FAXC: variants seen among roughly 807,000 people sequenced by gnomAD.
The protein encoded by FAXC is failed axon connections homolog, metaxin like GST domain containing.
A neutral mutation model predicts 41.9 loss-of-function variants in FAXC; 10 were observed. The observed-to-expected ratio is 0.24, with a 90% CI of 0.15 to 0.41. The LOEUF (loss-of-function observed/expected upper bound fraction) is 0.41, where lower values mean the gene tolerates loss of function less well. Ranked by LOEUF, FAXC falls within the 10% of genes least tolerant of loss-of-function variation. The pLI is 1.00. For missense variants in FAXC, 399 were observed against 510.9 expected, an observed-to-expected ratio of 0.78 and a Z score of 2.11; for synonymous variants, 183 against 183.8, an observed-to-expected ratio of 1.00 and a Z score of 0.03.
At chr6:99,311,096 A>G (rs1291117240) in intron 4 of FAXC, among the ~76,000 whole-genome samples, 2 of 152,254 alleles carry the variant, frequency 1.3e-5, no homozygotes, top group African/African-American at 4.8e-5. Flanking sequence ...GTAACAATGG[A>G]TGTAGAGTAG....
rs1314157387 is a variant in FAXC at position 99,349,570 on chromosome 6, G to C, written c.-198C>G. 1 of 217,596 alleles carries C rather than the reference G, an allele frequency of 4.6e-6. No individual in the cohort carries two copies. The highest frequency in any genetic ancestry group is 7.8e-6 in the Non-Finnish European group (1 of 127,550). 13.5% of individuals were successfully genotyped at this position (217,596 alleles called of 1,614,324 possible). A position where few individuals can be genotyped will look rare whatever the true frequency, so the allele number is the denominator to read the frequency against. ...GAAGGGCACTGGCCGCGGACGGCGG[G>C]CCTGGCCGGCGGGGCCCCAGAGCCC... is the stretch of plus-strand genomic sequence containing the variant. On this transcript the variant is annotated 5_prime_UTR_variant, in exon 1 of 6. Transcript: ENST00000389677.
intron 4 of FAXC, among the ~76,000 whole-genome samples, chr6:99,293,712 G>C (rs867528614): frequency 1.7e-3 from 170 of 99,094 alleles, no homozygotes; most frequent in South Asian, 6.5e-3. Context: ...GTGTGTGTGT[G>C]TCTGTGTGTG....
intron 3 of FAXC, among the ~76,000 whole-genome samples, chr6:99,324,127 C>A (rs1003516896): frequency 2.0e-5 from 3 of 151,206 alleles, no homozygotes; most frequent in African/African-American, 2.4e-5. Context: ...GCTTGGTGTT[C>A]ATTAATTAAG....
intron 4 of FAXC, among the ~76,000 whole-genome samples, chr6:99,322,188 C>T (rs577076955): frequency 6.6e-6 from 1 of 152,282 alleles, no homozygotes; most frequent in East Asian, 1.9e-4. Context: ...TGAAGGAGTC[C>T]AGCCAGTATC....
intron 5 of FAXC, among the ~76,000 whole-genome samples, chr6:99,285,417 TATAG>T (rs771708341): frequency 2.0e-5 from 3 of 152,286 alleles, no homozygotes; most frequent in Non-Finnish European, 4.4e-5. Context: ...AAAAACAAGT[TATAG>T]ATAATGTGTA....
chr6:99,339,980 C>T (rs996576630), intron 2 of FAXC, among the ~76,000 whole-genome samples: 1 of 151,892 alleles, frequency 6.6e-6, no homozygotes. Context: ...TTATAAAGGA[C>T]CAAACAGGAT....
intron 2 of FAXC, among the ~76,000 whole-genome samples, chr6:99,340,103 A>G (rs1773367545): frequency 6.6e-6 from 1 of 151,984 alleles, no homozygotes; most frequent in African/African-American, 2.4e-5. Flanking sequence ...ATTAACATCA[A>G]TTTTCTTTTT....
At chr6:99,316,157 G>T (rs1050010815) in intron 4 of FAXC, among the ~76,000 whole-genome samples, 1 of 146,270 alleles carries the variant, frequency 6.8e-6, no homozygotes, top group Non-Finnish European at 1.5e-5. Context: ...TAACCCACTC[G>T]CCCCCCCCCA....
chr6:99,288,541 A>C (rs1476850548), intron 5 of FAXC, among the ~76,000 whole-genome samples: 2 of 152,230 alleles, frequency 1.3e-5, no homozygotes, highest in African/African-American at 4.8e-5. Flanking sequence ...GATTAAATTA[A>C]AGGGAAACTA....
chr6:99,307,869 A>C (rs1266668440), intron 4 of FAXC, among the ~76,000 whole-genome samples: 2 of 152,224 alleles, frequency 1.3e-5, no homozygotes, highest in Non-Finnish European at 2.9e-5. Flanking sequence ...TGTGACTCTC[A>C]GGAAATATTT....
chr6:99,333,475 C>T lies in FAXC; in HGVS notation c.475G>A (p.Gly159Ser). ...WIEYNHEKVS[G>S]TEFIIDFLEE... is the part of the protein sequence containing the mutation. ...AGAAAGTCAATTATGAATTCTGTGC[C>T]AGAAACTTTTTCATGATTATATTCA... The change falls in exon 3 of 6, where the codon GGC becomes AGC. Residue 159 changes from glycine to serine, a missense_variant. Gly to Ser is a moderately conservative substitution (Grantham distance 56). This residue lies in a region of FAXC where 239 missense variants were observed against 352.7 expected (regional missense o/e 0.68). Coordinates refer to ENST00000389677, the MANE Select transcript of FAXC (RefSeq NM_032511.4). The T allele has an allele frequency of 6.2e-7, 1 of 1,614,080 alleles. No homozygotes were observed. The highest frequency in any genetic ancestry group is 8.5e-7 in the Non-Finnish European group (1 of 1,179,990).
chr6:99,301,611 T>C (rs1771708407), intron 4 of FAXC, among the ~76,000 whole-genome samples: 1 of 152,226 alleles, frequency 6.6e-6, no homozygotes, highest in South Asian at 2.1e-4. Flanking sequence ...CCAAGCTCTG[T>C]AATCTTGGAA....
intron 5 of FAXC, among the ~76,000 whole-genome samples, chr6:99,285,172 T>A (rs1770986341): frequency 6.6e-6 from 1 of 152,120 alleles, no homozygotes; most frequent in Non-Finnish European, 1.5e-5. Context: ...AATGTGCATA[T>A]CTCTTGGCCC....
rs116029323 is a variant in FAXC at position 99,293,387 on chromosome 6, C to T, written c.824-1567G>A. 2.8e-3 allele frequency among the ~76,000 whole-genome samples: 421 copies of T among 152,290 alleles called. 1 individual carries two copies. The highest frequency in any genetic ancestry group is 9.8e-3 in the African/African-American group (406 of 41,554). On this transcript the variant is annotated intron_variant, in intron 4 of 5. Coordinates refer to ENST00000389677, the MANE Select transcript of FAXC (RefSeq NM_032511.4). ...ACTTATATGTGCTCACCACTTCTCT[C>T]GAATCAATTCTATCCATCCGTCAAG...
intron 4 of FAXC, chr6:99,309,732 A>G (rs1373386442): frequency 6.0e-6 from 1 of 167,124 alleles, no homozygotes; most frequent in African/African-American, 2.4e-5. Flanking sequence ...GAGCAACTTA[A>G]GAGTTATTGA....
chr6:99,296,691 C>T (rs1324443864), intron 4 of FAXC, among the ~76,000 whole-genome samples: 6 of 152,060 alleles, frequency 3.9e-5, no homozygotes, highest in Non-Finnish European at 5.9e-5. Context: ...CGCAGTGACC[C>T]GACAGACCTC....
At chr6:99,345,248 T>A (rs571327581) in intron 1 of FAXC, among the ~76,000 whole-genome samples, 10 of 152,236 alleles carry the variant, frequency 6.6e-5, no homozygotes, top group Non-Finnish European at 1.5e-4. Flanking sequence ...AAGTCACAGC[T>A]AATGATGGCC....
At chr6:99,336,107 T>C (rs1313241906) in intron 2 of FAXC, among the ~76,000 whole-genome samples, 1 of 152,042 alleles carries the variant, frequency 6.6e-6, no homozygotes, top group African/African-American at 2.4e-5. Context: ...CAGACACGGG[T>C]GTCTCACTAT....
At chr6:99,306,588 G>T (rs1771930322) in intron 4 of FAXC, among the ~76,000 whole-genome samples, 1 of 152,138 alleles carries the variant, frequency 6.6e-6, no homozygotes, top group Admixed American at 6.5e-5. Flanking sequence ...AGATGAACAG[G>T]GTGGGGGCTG....
Sources: allele counts gnomAD v4.1 joint callset (sites outside exome capture counted in the v4.1 genomes callset), GRCh38; gene constraint gnomAD v4.1.1; regional missense constraint gnomAD v4.1.1; transcripts MANE v1.5; gene names NCBI Gene and HGNC (gene_info 2026-07-23, HGNC 2026-07-21).